AKT3: variants seen among roughly 807,000 people sequenced by gnomAD.
AKT3 encodes the protein RAC-gamma serine/threonine-protein kinase.
In AKT3, 15 loss-of-function variants were observed where a neutral mutation model predicts 65.3. That is an observed-to-expected ratio of 0.23 (90% confidence interval 0.15 to 0.35). AKT3 has a LOEUF of 0.35. AKT3 is among the 10% of genes least tolerant of loss of function. The pLI is 1.00. For missense variants in AKT3, 243 were observed against 576.5 expected (o/e 0.42, Z 5.92); for synonymous variants, 206 against 183.8 (o/e 1.12, Z -0.98).
intron 2 of AKT3, among the ~76,000 whole-genome samples, chr1:243,794,804 C>G (rs1387266186): frequency 1.3e-5 from 2 of 152,214 alleles, no homozygotes; most frequent in Non-Finnish European, 2.9e-5. Flanking sequence ...CAAAGCACAT[C>G]ATTAATTAAA....
intron 13 of AKT3, among the ~76,000 whole-genome samples, chr1:243,490,809 G>A (rs1260763984): frequency 6.6e-6 from 1 of 152,198 alleles, no homozygotes; most frequent in Non-Finnish European, 1.5e-5. Context: ...CCTCCCCTCT[G>A]CTTTCAGGAT....
intron 2 of AKT3, among the ~76,000 whole-genome samples, chr1:243,699,753 T>C (rs1367328594): frequency 6.6e-6 from 1 of 151,950 alleles, no homozygotes; most frequent in Non-Finnish European, 1.5e-5. Flanking sequence ...TGGCAACACA[T>C]GTGATTAACA....
At chr1:243,609,709 CA>C (rs1677722423) in intron 8 of AKT3, among the ~76,000 whole-genome samples, 1 of 151,980 alleles carries the variant, frequency 6.6e-6, no homozygotes, top group Non-Finnish European at 1.5e-5. Context: ...TAGCCCAATC[CA>C]AAACAGAAAT....
intron 2 of AKT3, among the ~76,000 whole-genome samples, chr1:243,786,413 GTTAT>G (rs1055372557): frequency 1.1e-4 from 16 of 152,180 alleles, no homozygotes; most frequent in South Asian, 2.1e-4. Flanking sequence ...AGGATAGTCA[GTTAT>G]TTAAGTGTTG....
chr1:243,642,498 A>G (rs1052685575), intron 5 of AKT3, among the ~76,000 whole-genome samples: 2 of 152,000 alleles, frequency 1.3e-5, no homozygotes, highest in African/African-American at 2.4e-5. Flanking sequence ...TTTAGTAGAG[A>G]CGGGGTTTCA....
At chr1:243,758,178 G>C (rs541037526) in intron 2 of AKT3, among the ~76,000 whole-genome samples, 1 of 152,302 alleles carries the variant, frequency 6.6e-6, no homozygotes, top group East Asian at 1.9e-4. Context: ...GAGGATGGTA[G>C]ACAAAAATCA....
intron 2 of AKT3, among the ~76,000 whole-genome samples, chr1:243,791,572 T>C (rs889361632): frequency 1.1e-4 from 16 of 152,248 alleles, no homozygotes; most frequent in African/African-American, 3.6e-4. Context: ...TAATTCAACA[T>C]GTATATCACA....
chr1:243,780,236 A>G (rs1279522885), intron 2 of AKT3, among the ~76,000 whole-genome samples: 1 of 152,106 alleles, frequency 6.6e-6, no homozygotes, highest in African/African-American at 2.4e-5. Context: ...GATCAAAATT[A>G]ACATTACTAG....
chr1:243,676,228 C>A (rs1461940654), intron 3 of AKT3, among the ~76,000 whole-genome samples: 1 of 152,130 alleles, frequency 6.6e-6, no homozygotes, highest in African/African-American at 2.4e-5. Context: ...GAGGCCAATG[C>A]AGATTACCTT....
intron 2 of AKT3, among the ~76,000 whole-genome samples, chr1:243,764,868 C>T (rs747818199): frequency 6.6e-6 from 1 of 152,050 alleles, no homozygotes; most frequent in South Asian, 2.1e-4. Context: ...CTAGCTGTTG[C>T]AAACATTTCA....
intron 13 of AKT3, chr1:243,488,880 TGGCACCTC>T (rs1558541193): frequency 7.9e-7 from 1 of 1,259,062 alleles, no homozygotes; most frequent in East Asian, 2.3e-5. Context: ...AGCCAGAGCC[TGGCACCTC>T]AGGGTCACCC....
chr1:243,736,220 TG>T (rs1687834180), intron 2 of AKT3, among the ~76,000 whole-genome samples: 1 of 152,220 alleles, frequency 6.6e-6, no homozygotes. Context: ...GATAATAATT[TG>T]GTAACACCTA....
chr1:243,786,834 G>C (rs762148667), intron 2 of AKT3, among the ~76,000 whole-genome samples: 1 of 152,108 alleles, frequency 6.6e-6, no homozygotes, highest in Non-Finnish European at 1.5e-5. Flanking sequence ...AGGGTCAAGA[G>C]AGAAGCACAC....
chr1:243,738,441 A>C (rs1687963830), intron 2 of AKT3, among the ~76,000 whole-genome samples: 1 of 152,214 alleles, frequency 6.6e-6, no homozygotes, highest in South Asian at 2.1e-4. Context: ...TTAAACGTTT[A>C]ACATTCATCA....
At chr1:243,764,974 T>G (rs1689724087) in intron 2 of AKT3, among the ~76,000 whole-genome samples, 2 of 152,168 alleles carry the variant, frequency 1.3e-5, no homozygotes, top group Non-Finnish European at 2.9e-5. Flanking sequence ...GATGTCTAAT[T>G]CTAGAATTCT....
chr1:243,809,820 T>G (rs1402413432), intron 2 of AKT3, among the ~76,000 whole-genome samples: 1 of 152,088 alleles, frequency 6.6e-6, no homozygotes, highest in Non-Finnish European at 1.5e-5. Flanking sequence ...GAACAGAAAT[T>G]ATAACAAACT....
At chr1:243,819,089 G>A (rs1693704675) in intron 2 of AKT3, among the ~76,000 whole-genome samples, 1 of 152,266 alleles carries the variant, frequency 6.6e-6, no homozygotes, top group African/African-American at 2.4e-5. Flanking sequence ...GAGCTGTGCA[G>A]ATGTTTGGCG....
intron 6 of AKT3, among the ~76,000 whole-genome samples, chr1:243,636,260 A>G (rs1337920014): frequency 6.6e-6 from 1 of 152,076 alleles, no homozygotes; most frequent in Non-Finnish European, 1.5e-5. Flanking sequence ...TTGATTTGTA[A>G]TTTAATTTGT....
At chr1:243,581,087 T>C (rs1675311827) in intron 8 of AKT3, among the ~76,000 whole-genome samples, 1 of 152,146 alleles carries the variant, frequency 6.6e-6, no homozygotes, top group Non-Finnish European at 1.5e-5. Context: ...TGCAGAGAAC[T>C]TGGGGCTGAG....
Sources: allele counts gnomAD v4.1 joint callset (sites outside exome capture counted in the v4.1 genomes callset), GRCh38; gene constraint gnomAD v4.1.1; transcripts MANE v1.5; gene names NCBI Gene and HGNC (gene_info 2026-07-23, HGNC 2026-07-21).